The following CNTNAP4 variants were observed in gnomAD, a reference collection of about 807,000 sequenced individuals.
CNTNAP4 encodes contactin-associated protein-like 4.
A neutral mutation model predicts 148.4 loss-of-function variants in CNTNAP4; 98 were observed. That is an observed-to-expected ratio of 0.66 (90% CI 0.56 to 0.78). The LOEUF (loss-of-function observed/expected upper bound fraction) is 0.78, where lower values mean the gene tolerates loss of function less well. Ranked by LOEUF, CNTNAP4 falls within the 30% of genes least tolerant of loss-of-function variation. The pLI is 0.00. For synonymous variants in CNTNAP4, 730 were observed against 565.1 expected (o/e 1.29, Z -4.14); for missense variants, 1,935 against 1,565.6 (o/e 1.24, Z -3.98).
At chr16:76,488,621 G>A (rs2082107406) in intron 12 of CNTNAP4, among the ~76,000 whole-genome samples, 1 of 152,106 alleles carries the variant, frequency 6.6e-6, no homozygotes. Flanking sequence ...TCCAATTTGG[G>A]ATATTCCTCT....
At chr16:76,417,792 G>A (rs8046954) in intron 3 of CNTNAP4, among the ~76,000 whole-genome samples, 57,715 of 151,266 alleles carry the variant, frequency 0.38, 11,207 homozygotes, top group Middle Eastern at 0.48. Flanking sequence ...GAATGCTCTC[G>A]ATGCATTCCC....
intron 17 of CNTNAP4, among the ~76,000 whole-genome samples, chr16:76,534,926 C>G (rs190948793): frequency 5.3e-5 from 8 of 152,088 alleles, no homozygotes; most frequent in African/African-American, 1.9e-4. Context: ...TGTATCGATC[C>G]CCTTTTGCAA....
At chr16:76,315,492 A>G (rs1157717144) in intron 1 of CNTNAP4, among the ~76,000 whole-genome samples, 5 of 152,212 alleles carry the variant, frequency 3.3e-5, no homozygotes, top group Non-Finnish European at 7.3e-5. Flanking sequence ...CTCTTGGCCT[A>G]CATTTTGCTA....
At chr16:76,415,909 C>T (rs1291857114) in intron 3 of CNTNAP4, among the ~76,000 whole-genome samples, 8 of 138,380 alleles carry the variant, frequency 5.8e-5, no homozygotes, top group African/African-American at 2.0e-4. Flanking sequence ...AGTAATTTCC[C>T]ATTGTATAGA....
chr16:76,511,696 C>G (rs1253773473), intron 15 of CNTNAP4, among the ~76,000 whole-genome samples: 3 of 152,012 alleles, frequency 2.0e-5, no homozygotes, highest in East Asian at 3.9e-4. Context: ...TGCCCTCTTT[C>G]TCTTCCTCTT....
At chr16:76,373,957 C>T (rs144449616) in intron 3 of CNTNAP4, among the ~76,000 whole-genome samples, 158 of 151,328 alleles carry the variant, frequency 1.0e-3, no homozygotes, top group African/African-American at 3.7e-3. Context: ...AAGACATAGC[C>T]TACAGAATTG....
At position 76,558,693 on chromosome 16, in the gene CNTNAP4, A is replaced by G. The variant is rs193244229; in HGVS notation, c.*10A>G. ...AGAGTACTTCTTCTGATTGGCAGCT[A>G]TGATTTAACATAAAATTATGATAGT... On this transcript the variant is annotated 3_prime_UTR_variant, in exon 24 of 24. Transcript: ENST00000611870. 6.2e-5 allele frequency: 98 copies of G among 1,585,506 alleles called. 1 individual carries two copies. Among genetic ancestry groups the G allele is most frequent in the Admixed American group, 1.2e-4 (7 of 56,254 alleles).
chr16:76,479,632 T>G, intron 12 of CNTNAP4, 94 bp downstream of exon 12: 1 of 1,289,250 alleles, frequency 7.8e-7, no homozygotes, highest in Non-Finnish European at 1.1e-6. Flanking sequence ...TGACGTAATT[T>G]GCAACTTGAT....
rs139740249 is a variant in CNTNAP4 at position 76,355,501 on chromosome 16, A to G, written c.380A>G (p.Asp127Gly). 6.2e-7 allele frequency: 1 copy of G among 1,607,782 alleles called. No individual in the cohort carries two copies. The highest frequency in any genetic ancestry group is 1.3e-5 in the African/African-American group (1 of 74,584). ...GWNWKQYRQE[D>G]SIWGFSGNAN... is the part of the protein sequence containing the mutation. ...AACTGGAAACAATATCGCCAAGAGG[A>G]CAGCATCTGGGTATGTTCTTTAACA... is the stretch of plus-strand genomic sequence containing the variant. The change falls in exon 3 of 24, where the codon GAC becomes GGC. Residue 127 changes from aspartate (D) to glycine (G), a missense_variant. By Grantham distance (94) the Asp-to-Gly change is moderately conservative. Coordinates refer to ENST00000611870, the MANE Select transcript of CNTNAP4 (RefSeq NM_033401.5).
At chr16:76,346,434 A>T (rs1197283104) in intron 2 of CNTNAP4, among the ~76,000 whole-genome samples, 9 of 55,168 alleles carry the variant, frequency 1.6e-4, no homozygotes, top group East Asian at 1.4e-3. Flanking sequence ...AGGGAAGATA[A>T]AAAAAAAAAA....
In CNTNAP4 at chr16:76,468,800, G is replaced by C. The variant is rs892061828; in HGVS notation, c.1655+1277G>C. Among the ~76,000 whole-genome samples the C allele has an allele frequency of 6.6e-5, 10 of 152,104 alleles. No individual in the cohort carries two copies. In the East Asian group the frequency reaches 1.4e-3, roughly 21 times the overall value. ...AGTAATAATTGAAACCTGTGGTTAG[G>C]CATGAGCAACTATAGCTAAGTCATC... is the stretch of plus-strand genomic sequence containing the variant. On this transcript the variant is annotated intron_variant, in intron 10 of 23. Transcript: ENST00000611870.
chr16:76,395,058 T>G (rs2078149664), intron 3 of CNTNAP4, among the ~76,000 whole-genome samples: 3 of 152,104 alleles, frequency 2.0e-5, no homozygotes, highest in Admixed American at 2.0e-4. Flanking sequence ...AATTGTATGT[T>G]TGAAACGGTT....
At chr16:76,554,354 G>C (rs1253732852) in intron 23 of CNTNAP4, among the ~76,000 whole-genome samples, 1 of 152,084 alleles carries the variant, frequency 6.6e-6, no homozygotes, top group South Asian at 2.1e-4. Flanking sequence ...TTGCCTCAAG[G>C]CTTAATAAAG....
intron 9 of CNTNAP4, among the ~76,000 whole-genome samples, chr16:76,464,436 C>A (rs945276079): frequency 6.6e-6 from 1 of 152,120 alleles, no homozygotes; most frequent in African/African-American, 2.4e-5. Context: ...CTCCTTCCCC[C>A]AGTCCTGGGG....
intron 11 of CNTNAP4, among the ~76,000 whole-genome samples, chr16:76,479,091 A>C (rs1249168083): frequency 6.6e-6 from 1 of 152,126 alleles, no homozygotes; most frequent in Non-Finnish European, 1.5e-5. Flanking sequence ...CATTATACTT[A>C]TAAGGCTCCA....
intron 8 of CNTNAP4, among the ~76,000 whole-genome samples, chr16:76,453,332 C>G (rs1427412337): frequency 6.6e-6 from 1 of 152,272 alleles, no homozygotes; most frequent in East Asian, 1.9e-4. Context: ...AAATGAAATT[C>G]TCTCTACTTC....
chr16:76,437,252 T>A (rs1346084871), intron 4 of CNTNAP4, among the ~76,000 whole-genome samples: 1 of 152,018 alleles, frequency 6.6e-6, no homozygotes, highest in East Asian at 1.9e-4. Context: ...TAAGGGTGGG[T>A]CTGCCTTCCC....
chr16:76,558,129 T>C (rs1309591451), intron 23 of CNTNAP4: 1 of 165,068 alleles, frequency 6.1e-6, no homozygotes, highest in African/African-American at 2.4e-5. Flanking sequence ...TTTTATGATG[T>C]TGCTACTACT....
intron 12 of CNTNAP4, among the ~76,000 whole-genome samples, chr16:76,480,248 A>G (rs1220782490): frequency 6.6e-6 from 1 of 152,196 alleles, no homozygotes; most frequent in Non-Finnish European, 1.5e-5. Flanking sequence ...CAGATAAACT[A>G]TTAGGATTGT....
Sources: allele counts gnomAD v4.1 joint callset (sites outside exome capture counted in the v4.1 genomes callset), GRCh38; gene constraint gnomAD v4.1.1; transcripts MANE v1.5; gene names NCBI Gene and HGNC (gene_info 2026-07-23, HGNC 2026-07-21).